The following ZNF714 variants were observed in gnomAD, a reference collection of about 807,000 sequenced individuals.
ZNF714 encodes zinc finger protein 714.
In ZNF714, 32 loss-of-function variants were observed where a neutral mutation model predicts 46.2. The ratio of observed to expected loss-of-function variants is 0.69; its 90% CI spans 0.52 to 0.93. ZNF714 has a LOEUF of 0.93. Among genes scored for constraint, ZNF714 ranks in the 40% least tolerant of loss-of-function variants. The probability of loss-of-function intolerance (pLI) is 0.00; values close to 1 mark genes in which losing one functional copy is unlikely to be tolerated. For synonymous variants in ZNF714, 199 were observed against 213.1 expected (o/e 0.93, Z 0.58); for missense variants, 635 against 646.3 (o/e 0.98, Z 0.19).
chr19:21,103,161 T>A (rs1190011530), intron 4 of ZNF714, among the ~76,000 whole-genome samples: 1 of 143,256 alleles, frequency 7.0e-6, no homozygotes, highest in East Asian at 1.9e-4. Context: ...ATTTCCTTTG[T>A]GTGAGAGAAA....
Position 21,116,823 on chromosome 19 carries a change from T to C in ZNF714, c.159T>C (p.Phe53=). The change falls in exon 5 of 5, where the codon TTT becomes TTC. Residue 53 remains phenylalanine (F), a synonymous_variant. Coordinates refer to ENST00000456283, the MANE Select transcript of ZNF714 (RefSeq NM_182515.4). ...TTCTTTCAGCTATGTGTTCTTCTTT[T>C]ACCAGAGACCTTTGGCCAGAGCAAG... ...VDESPAMCSS[F]TRDLWPEQDI... is the part of the protein sequence containing the mutation. 1 of 1,593,422 alleles carries C rather than the reference T, an allele frequency of 6.3e-7. No individual in the cohort carries two copies. Among genetic ancestry groups the C allele is most frequent in the Non-Finnish European group, 8.5e-7 (1 of 1,174,000 alleles).
chr19:21,100,944 C>T (rs951200698), intron 4 of ZNF714, among the ~76,000 whole-genome samples: 41 of 152,012 alleles, frequency 2.7e-4, no homozygotes, highest in African/African-American at 8.5e-4. Flanking sequence ...GTCCTGACCT[C>T]GTGATTTGCC....
chr19:21,086,782 G>A (rs962884460), intron 2 of ZNF714, among the ~76,000 whole-genome samples: 5 of 152,072 alleles, frequency 3.3e-5, no homozygotes, highest in Admixed American at 2.6e-4. Context: ...GGTTCCATAT[G>A]CCTCTGACAT....
rs746805082 is a variant in ZNF714 at position 21,117,207 on chromosome 19, G to A, written c.543G>A (p.Val181=). Residue 181 remains valine (V), a synonymous_variant, in exon 5 of 5, where the codon GTG becomes GTA. Coordinates refer to ENST00000456283, the MANE Select transcript of ZNF714 (RefSeq NM_182515.4). Reference sequence around the variant, plus strand: ...ACCAATGTGAAGAATGTGACAAAGTGTTTAAGCGGTTCTCAACCCTTACTA... The same window carrying A: ...ACCAATGTGAAGAATGTGACAAAGTATTTAAGCGGTTCTCAACCCTTACTA... ...NSYQCEECDK[V]FKRFSTLTRH... The A allele has an allele frequency of 6.2e-7, 1 of 1,613,924 alleles. No individual in the cohort carries two copies. Among genetic ancestry groups the A allele is most frequent in the Non-Finnish European group, 8.5e-7 (1 of 1,179,904 alleles).
intron 2 of ZNF714, among the ~76,000 whole-genome samples, chr19:21,094,378 A>G (rs1056671604): frequency 2.6e-5 from 4 of 152,258 alleles, no homozygotes; most frequent in Non-Finnish European, 4.4e-5. Context: ...CTTTGGATAT[A>G]TACTCAATTT....
At chr19:21,113,822 T>C (rs2144874561) in intron 4 of ZNF714, among the ~76,000 whole-genome samples, 1 of 152,158 alleles carries the variant, frequency 6.6e-6, no homozygotes, top group East Asian at 1.9e-4. Flanking sequence ...ATGATCAATT[T>C]TAGAGTAAGT....
intron 1 of ZNF714, among the ~76,000 whole-genome samples, chr19:21,082,786 T>C (rs567732263): frequency 2.0e-5 from 3 of 152,242 alleles, no homozygotes; most frequent in African/African-American, 7.2e-5. Context: ...GATTCAAAAA[T>C]TGTGGAGCAC....
chr19:21,087,505 C>A (rs1286600301), intron 2 of ZNF714, among the ~76,000 whole-genome samples: 1 of 152,006 alleles, frequency 6.6e-6, no homozygotes. Context: ...AATGTCAAAC[C>A]CAATTCTTAA....
chr19:21,116,738 G>A (rs1969602832), intron 4 of ZNF714, 69 bp from the exon 5 acceptor site: 4 of 1,485,772 alleles, frequency 2.7e-6, no homozygotes, highest in Non-Finnish European at 3.6e-6. Context: ...TATAATATAG[G>A]TTAGATTTGT....
intron 2 of ZNF714, among the ~76,000 whole-genome samples, chr19:21,090,492 C>A (rs1968884278): frequency 6.6e-6 from 1 of 152,082 alleles, no homozygotes; most frequent in Non-Finnish European, 1.5e-5. Flanking sequence ...AATGAATATC[C>A]CGTAGTGTCA....
chr19:21,115,282 A>G (rs2144877748), intron 4 of ZNF714, among the ~76,000 whole-genome samples: 1 of 152,016 alleles, frequency 6.6e-6, no homozygotes, highest in Non-Finnish European at 1.5e-5. Context: ...AATAATTAAA[A>G]ATGTTTTTTG....
rs558309866 is a variant in ZNF714, at chr19:21,097,804, G to A, written c.-84-381G>A. Among the ~76,000 whole-genome samples, 9 of 150,494 alleles carry A rather than the reference G, an allele frequency of 6.0e-5. No homozygotes were observed. In the East Asian group the frequency reaches 1.8e-3, roughly 29 times the overall value. On this transcript the variant is annotated intron_variant, in intron 2 of 4. Transcript: ENST00000456283. Reference sequence around the variant, plus strand: ...GAAAAAAAAAAAAAGCTTCACAACAGGATCTCCAGTTTATTGTACATATTT... The same window carrying A: ...GAAAAAAAAAAAAAGCTTCACAACAAGATCTCCAGTTTATTGTACATATTT...
chr19:21,113,917 A>G (rs1456582404), intron 4 of ZNF714, among the ~76,000 whole-genome samples: 2 of 152,106 alleles, frequency 1.3e-5, no homozygotes, highest in African/African-American at 2.4e-5. Context: ...CTTGACCCAC[A>G]GCTGAGTTCA....
In ZNF714 at chr19:21,118,131, C is replaced by T. The variant is rs2043512066; in HGVS notation, c.1467C>T (p.Ala489=). ...ACAAATGTGAAGAATGTGGTAAAGC[C>T]TTTAACCAATCCTCAACTCTTACTA... The part of the protein sequence containing the change: ...KSYKCEECGK[A]FNQSSTLTKH... Residue 489 remains alanine, a synonymous_variant, in exon 5 of 5, where the codon GCC becomes GCT. Transcript: ENST00000456283. The T allele has an allele frequency of 4.3e-6, 7 of 1,613,630 alleles. No homozygotes were observed. Among genetic ancestry groups the T allele is most frequent in the Non-Finnish European group, 5.1e-6 (6 of 1,179,770 alleles).
Position 21,093,252 on chromosome 19 carries a change from A to G in ZNF714, c.-84-4933A>G, listed in dbSNP as rs563887777. ...TTGTTTAATTTATTTATTTTTTGAG[A>G]TGGAGTTTTCACTCTTGTTGCCCAG... On this transcript the variant is annotated intron_variant, in intron 2 of 4. Coordinates refer to ENST00000456283, the MANE Select transcript of ZNF714 (RefSeq NM_182515.4). Among the ~76,000 whole-genome samples the G allele has an allele frequency of 4.7e-5, 7 of 150,260 alleles. No homozygotes were observed. In the South Asian group the frequency reaches 1.5e-3, roughly 31 times the overall value.
intron 4 of ZNF714, among the ~76,000 whole-genome samples, chr19:21,106,414 C>A (rs1423843329): frequency 2.0e-5 from 3 of 151,620 alleles, no homozygotes; most frequent in Non-Finnish European, 2.9e-5. Context: ...ACTAAAAATA[C>A]AAAAATTAGC....
chr19:21,087,317 T>G (rs1968807211), intron 2 of ZNF714, among the ~76,000 whole-genome samples: 1 of 151,894 alleles, frequency 6.6e-6, no homozygotes, highest in Non-Finnish European at 1.5e-5. Context: ...TGATTATTAA[T>G]GATATACACT....
In ZNF714 at chr19:21,117,996, G is replaced by A. The variant is rs1293684116; in HGVS notation, c.1332G>A (p.Lys444=). 6.2e-7 allele frequency: 1 copy of A among 1,612,680 alleles called. No homozygotes were observed. Among genetic ancestry groups the A allele is most frequent in the Non-Finnish European group, 8.5e-7 (1 of 1,179,746 alleles). Residue 444 remains lysine (K), a synonymous_variant, in exon 5 of 5, where the codon AAG becomes AAA. Coordinates refer to ENST00000456283, the MANE Select transcript of ZNF714 (RefSeq NM_182515.4). ...FNRSSNLTTH[K]RIHTGEKPYK... is the part of the protein sequence containing the mutation. ...GATCCTCAAACCTTACTACACATAAGAGAATTCACACTGGAGAGAAACCCT... is the reference window on the plus strand; with the variant it reads ...GATCCTCAAACCTTACTACACATAAAAGAATTCACACTGGAGAGAAACCCT...
chr19:21,084,060 C>T lies in ZNF714; in HGVS notation c.-94C>T. The stretch of plus-strand genomic sequence containing the variant: ...AGAGGAAGCTTCTAGTGTACTCTTA[C>T]TTTGAAAAGGTAATCAGATGCTGGT... On this transcript the variant is annotated 5_prime_UTR_variant, in exon 2 of 5. Transcript: ENST00000456283. 1 of 1,167,150 alleles carries T rather than the reference C, an allele frequency of 8.6e-7. No homozygotes were observed. Among genetic ancestry groups the T allele is most frequent in the Non-Finnish European group, 1.1e-6 (1 of 932,358 alleles). The allele number at this position is 1,167,150 out of a possible 1,614,324, so 72.3% of individuals were successfully genotyped here.
Sources: allele counts gnomAD v4.1 joint callset (sites outside exome capture counted in the v4.1 genomes callset), GRCh38; gene constraint gnomAD v4.1.1; transcripts MANE v1.5; gene names NCBI Gene and HGNC (gene_info 2026-07-23, HGNC 2026-07-21).